TTC21A: variants seen among roughly 807,000 people sequenced by gnomAD.
TTC21A encodes tetratricopeptide repeat domain 21A.
In TTC21A, 128 loss-of-function variants were observed where a neutral mutation model predicts 156.4. The ratio of observed to expected loss-of-function variants is 0.82; its 90% CI spans 0.71 to 0.95. The LOEUF is 0.95. Among genes scored for constraint, TTC21A ranks in the 40% least tolerant of loss-of-function variants. TTC21A has a pLI of 0.00. For synonymous variants in TTC21A, 587 were observed against 617.1 expected (o/e 0.95, Z 0.72); for missense variants, 1,435 against 1,602.3 (o/e 0.90, Z 1.78).
Position 39,129,145 on chromosome 3 carries a change from T to C in TTC21A, c.1970T>C (p.Ile657Thr), listed in dbSNP as rs781197361. ...ACACCAGAAGAGAACCGCATCACCA[T>C]TGCCAACGTGGACTTGGTCCTGAGC... ...GGTPEENRIT[I>T]ANVDLVLSKG... The change falls in exon 15 of 29, where the codon ATT becomes ACT. Residue 657 changes from isoleucine to threonine, a missense_variant. Ile to Thr is a moderately conservative substitution (Grantham distance 89). Transcript: ENST00000683103. 6 of 1,614,244 alleles carry C rather than the reference T, an allele frequency of 3.7e-6. No individual in the cohort carries two copies. The highest frequency in any genetic ancestry group is 3.3e-4 in the Middle Eastern group (2 of 6,062).
chr3:39,120,093 A>T, intron 8 of TTC21A, 73 bp downstream of exon 8: 1 of 1,160,454 alleles, frequency 8.6e-7, no homozygotes, highest in Non-Finnish European at 1.3e-6. Context: ...GTGCTCCCCC[A>T]GGAAGCTCCT....
At chr3:39,120,723 T>A (rs1371051617) in intron 8 of TTC21A, among the ~76,000 whole-genome samples, 1 of 152,228 alleles carries the variant, frequency 6.6e-6, no homozygotes, top group African/African-American at 2.4e-5. Flanking sequence ...GAAAAACCTC[T>A]TGGTGACTCC....
At position 39,138,205 on chromosome 3, in the gene TTC21A, C is replaced by T. The variant is rs749550550; in HGVS notation, c.3676-62C>T. 6.8e-6 allele frequency: 11 copies of T among 1,608,766 alleles called. No individual in the cohort carries two copies. In the African/African-American group the frequency reaches 1.3e-4, roughly 20 times the overall value. Reference sequence around the variant, plus strand: ...TTCTGGTTCTGGTCCCAGTCCCACCCTGGCCCAGGGAACCAGTTGGGGCTT... The same window carrying T: ...TTCTGGTTCTGGTCCCAGTCCCACCTTGGCCCAGGGAACCAGTTGGGGCTT... On this transcript the variant is annotated intron_variant, in intron 26 of 28. Coordinates refer to ENST00000683103, the MANE Select transcript of TTC21A (RefSeq NM_001366900.1).
At position 39,125,384 on chromosome 3, in the gene TTC21A, A is replaced by G; in HGVS notation, c.1244A>G (p.Glu415Gly). Residue 415 changes from glutamate (E) to glycine (G), a missense_variant, in exon 11 of 29, where the codon GAA becomes GGA. Transcript: ENST00000683103. ...LLMSRKHKGE[E>G]ETTALLKEAV... is the part of the protein sequence containing the mutation. ...ATGTCCAGGAAGCACAAGGGGGAGG[A>G]AGAGACCACAGCGCTCCTGAAGGAG... 7 of 1,614,172 alleles carry G rather than the reference A, an allele frequency of 4.3e-6. No individual in the cohort carries two copies. The highest frequency in any genetic ancestry group is 5.1e-6 in the Non-Finnish European group (6 of 1,180,020).
At chr3:39,132,272 G>A (rs982947157) in intron 19 of TTC21A, among the ~76,000 whole-genome samples, 5 of 152,214 alleles carry the variant, frequency 3.3e-5, no homozygotes, top group African/African-American at 9.7e-5. Context: ...TATGCAGCAC[G>A]TGACTGTACC....
At position 39,112,341 on chromosome 3, in the gene TTC21A, C is replaced by T. The variant is rs117904721; in HGVS notation, c.436-117C>T. 2.6e-5 allele frequency: 27 copies of T among 1,048,740 alleles called. No homozygotes were observed. The East Asian group carries it at 3.4e-4, about 13-fold the overall frequency. The allele number at this position is 1,048,740 out of a possible 1,614,324, so 65.0% of individuals were successfully genotyped here. ...AGAGCTGGCTGCCCTGGGATCTGCA[C>T]GGGACTGTGCCTGGCAGGGCCTCAG... On this transcript the variant is annotated intron_variant, in intron 4 of 28. Coordinates refer to ENST00000683103, the MANE Select transcript of TTC21A (RefSeq NM_001366900.1).
chr3:39,130,072 C>T lies in TTC21A; in HGVS notation c.2136-7C>T, dbSNP rs757138734. 1.9e-6 allele frequency: 3 copies of T among 1,614,036 alleles called. No individual in the cohort carries two copies. The highest frequency in any genetic ancestry group is 2.5e-6 in the Non-Finnish European group (3 of 1,179,990). On this transcript the variant is annotated splice_polypyrimidine_tract_variant and splice_region_variant and intron_variant, in intron 15 of 28. Coordinates refer to ENST00000683103, the MANE Select transcript of TTC21A (RefSeq NM_001366900.1). This position sits in a 1 kb window ranked among gnomAD's most constrained non-coding sequence, Gnocchi z 4.5. ...TGGGATAAGCTTTTGGTTACTCTTG[C>T]TTGCAGTGAGCTCTGTGAACATCTG...
intron 22 of TTC21A, 79 bp downstream of exon 22, chr3:39,135,253 C>A: frequency 8.1e-7 from 1 of 1,238,586 alleles, no homozygotes; most frequent in Non-Finnish European, 1.2e-6. Context: ...TGGGACCTCT[C>A]CCTCCTTCCT....
chr3:39,126,198 C>T (rs2038220401), intron 11 of TTC21A, 63 bp from the exon 12 acceptor site: 1 of 1,595,994 alleles, frequency 6.3e-7, no homozygotes, highest in Non-Finnish European at 8.6e-7. Flanking sequence ...TTTCTGAGAG[C>T]TCCAGGAGTC....
chr3:39,111,085 C>T, intron 4 of TTC21A, 68 bp downstream of exon 4: 1 of 1,497,620 alleles, frequency 6.7e-7, no homozygotes, highest in East Asian at 2.3e-5. Context: ...GCAGGGTGGC[C>T]CTCATTCCCA....
Position 39,118,131 on chromosome 3 carries a change from C to T in TTC21A, c.779C>T (p.Ala260Val). ...CAAATTCTAACCGTGCATGAGCTTG[C>T]AAGAGAAGGAAACATGACCACAGTA... The part of the protein sequence containing the change: ...ACQILTVHEL[A>V]REGNMTTATN... The change falls in exon 7 of 29, where the codon GCA becomes GTA. Residue 260 changes from alanine to valine, a missense_variant. Coordinates refer to ENST00000683103, the MANE Select transcript of TTC21A (RefSeq NM_001366900.1). 1 of 1,614,118 alleles carries T rather than the reference C, an allele frequency of 6.2e-7. No homozygotes were observed. Among genetic ancestry groups the T allele is most frequent in the Non-Finnish European group, 8.5e-7 (1 of 1,179,996 alleles).
intron 5 of TTC21A, among the ~76,000 whole-genome samples, chr3:39,113,803 C>G (rs2037037537): frequency 6.6e-6 from 1 of 152,224 alleles, no homozygotes; most frequent in African/African-American, 2.4e-5. Flanking sequence ...AACCCAGTCC[C>G]CTATTGTTTG....
chr3:39,131,860 C>G (rs2038754127), intron 19 of TTC21A, among the ~76,000 whole-genome samples: 1 of 152,174 alleles, frequency 6.6e-6, no homozygotes, highest in African/African-American at 2.4e-5. Flanking sequence ...CCCTCATGAT[C>G]CAATCACCTC....
In TTC21A at chr3:39,134,751, AC is replaced by A; in HGVS notation, c.2863-340del. 4.1e-6 allele frequency: 2 copies of A among 482,854 alleles called. No homozygotes were observed. Among genetic ancestry groups the A allele is most frequent in the Non-Finnish European group, 7.6e-6 (2 of 263,800 alleles). The allele number at this position is 482,854 out of a possible 1,614,324, so 29.9% of individuals were successfully genotyped here. ...AGAGCAAGGAGGGGTCCTCATCCCT[AC>A]CTCTATTGCCTGGCAGTTCTCAGAA... On this transcript the variant is annotated intron_variant, in intron 21 of 28. Coordinates refer to ENST00000683103, the MANE Select transcript of TTC21A (RefSeq NM_001366900.1). The surrounding 1 kb of genome is among the most constrained non-coding windows in gnomAD (Gnocchi z 4.6).
chr3:39,116,421 T>G (rs2037290008), intron 6 of TTC21A, among the ~76,000 whole-genome samples: 1 of 152,204 alleles, frequency 6.6e-6, no homozygotes, highest in Admixed American at 6.5e-5. Flanking sequence ...AAATAGAAAT[T>G]TTGTATTATA....
At chr3:39,124,521 G>T (rs1005829286) in intron 9 of TTC21A, among the ~76,000 whole-genome samples, 1 of 151,872 alleles carries the variant, frequency 6.6e-6, no homozygotes, top group East Asian at 1.9e-4. Context: ...TTAGCCGGGC[G>T]TGGTGGCCAT....
chr3:39,121,265 A>C (rs1019078083), intron 9 of TTC21A, 76 bp downstream of exon 9: 5 of 1,329,648 alleles, frequency 3.8e-6, no homozygotes, highest in Non-Finnish European at 5.2e-6. Flanking sequence ...TCCAGAAGAG[A>C]GGTGCTGGAA....
Position 39,109,166 on chromosome 3 carries a change from A to G in TTC21A, c.109A>G (p.Asn37Asp). The G allele has an allele frequency of 6.2e-7, 1 of 1,614,128 alleles. No homozygotes were observed. Among genetic ancestry groups the G allele is most frequent in the East Asian group, 2.2e-5 (1 of 44,890 alleles). ...AGCTGTGGGCCTGGAAAAATTCAGC[A>G]ATGACCCTGTGTTGAAGTTCTTTAA... is the stretch of plus-strand genomic sequence containing the variant. ...AAAVGLEKFS[N>D]DPVLKFFKAY... Residue 37 changes from asparagine to aspartate, a missense_variant, in exon 2 of 29, where the codon AAT becomes GAT. Asn to Asp is a conservative substitution (Grantham distance 23). Transcript: ENST00000683103.
Position 39,125,375 on chromosome 3 carries a change from A to G in TTC21A, c.1235A>G (p.Lys412Arg). 1 of 1,614,178 alleles carries G rather than the reference A, an allele frequency of 6.2e-7. No individual in the cohort carries two copies. The highest frequency in any genetic ancestry group is 8.5e-7 in the Non-Finnish European group (1 of 1,180,020). Reference protein sequence around the residue: ...LQALLMSRKHKGEEETTALLK... With the variant: ...LQALLMSRKHRGEEETTALLK... Reference sequence around the variant, plus strand: ...GCCCTCCTGATGTCCAGGAAGCACAAGGGGGAGGAAGAGACCACAGCGCTC... The same window carrying G: ...GCCCTCCTGATGTCCAGGAAGCACAGGGGGGAGGAAGAGACCACAGCGCTC... The change falls in exon 11 of 29, where the codon AAG becomes AGG. Residue 412 changes from lysine to arginine, a missense_variant. Physicochemically the swap from Lys to Arg is conservative, Grantham distance 26. Coordinates refer to ENST00000683103, the MANE Select transcript of TTC21A (RefSeq NM_001366900.1).
Sources: gnomAD v4.1 joint callset for allele counts (sites outside exome capture counted in the v4.1 genomes callset) on GRCh38, gnomAD v4.1.1 for gene constraint, Gnocchi (gnomAD v3.1) non-coding constraint, MANE v1.5 for transcripts, NCBI Gene and HGNC (gene_info 2026-07-23, HGNC 2026-07-21) for gene names.